RANBP2: variants seen among roughly 807,000 people sequenced by gnomAD.
The protein encoded by RANBP2 is RAN binding protein 2, also known as E3 SUMO-protein ligase RanBP2.
RANBP2 carries 57 observed loss-of-function variants against 303.6 expected under a neutral mutation model. That is an observed-to-expected ratio of 0.19 (90% CI 0.15 to 0.23). The LOEUF is 0.23. Among genes scored for constraint, RANBP2 ranks in the 10% least tolerant of loss-of-function variants. The probability of loss-of-function intolerance (pLI) is 1.00; values close to 1 mark genes in which losing one functional copy is unlikely to be tolerated. For missense variants in RANBP2, 3,138 were observed against 3,780.8 expected, an observed-to-expected ratio of 0.83 and a Z score of 4.46; for synonymous variants, 1,167 against 1,301.5, an observed-to-expected ratio of 0.90 and a Z score of 2.23.
At chr2:109,637,518 G>T in the RANBP2 span, among the ~76,000 whole-genome samples, 8,538 of 152,092 alleles carry the variant, frequency 0.056, 672 homozygotes, top group East Asian at 0.24. Flanking sequence ...CACTTTCAAG[G>T]GCAGAGTTCC....
At chr2:109,171,393 A>G in the RANBP2 span, among the ~76,000 whole-genome samples, 1 of 152,220 alleles carries the variant, frequency 6.6e-6, no homozygotes, top group Non-Finnish European at 1.5e-5. Flanking sequence ...GTGACTATGA[A>G]TATTCGGAGA....
rs1394037253 is a variant in RANBP2, at chr2:108,763,292, C to T, written c.2753C>T (p.Pro918Leu). The T allele has an allele frequency of 7.4e-6, 12 of 1,613,840 alleles. No individual in the cohort carries two copies. The highest frequency in any genetic ancestry group is 2.2e-5 in the East Asian group (1 of 44,868). The change falls in exon 20 of 29, where the codon CCG becomes CTG. Residue 918 changes from proline to leucine, a missense_variant. Transcript: ENST00000283195. ...LPPQQHIYAY[P>L]QQMHTPPVQS... ...CCCCAACAGCATATTTATGCCTATC[C>T]GCAACAGATGCACACACCGCCAGTG...
At chr2:109,521,867 C>A in the RANBP2 span, among the ~76,000 whole-genome samples, 1 of 151,834 alleles carries the variant, frequency 6.6e-6, no homozygotes, top group African/African-American at 2.4e-5. Context: ...CTGTTATAGT[C>A]GGTGTTAATT....
the RANBP2 span, among the ~76,000 whole-genome samples, chr2:108,997,440 C>CAAAAAAAAAAA: frequency 4.0e-5 from 2 of 49,946 alleles, no homozygotes; most frequent in African/African-American, 9.6e-5. Flanking sequence ...GACTCTGTCT[C>CAAAAAAAAAAA]AAAAAAAAAA....
chr2:109,238,746 C>G, the RANBP2 span, among the ~76,000 whole-genome samples: 1 of 152,276 alleles, frequency 6.6e-6, no homozygotes, highest in South Asian at 2.1e-4. Context: ...CAGGCAGCTG[C>G]TACATGCTTG....
chr2:109,729,579 A>G, the RANBP2 span, among the ~76,000 whole-genome samples: 1 of 152,082 alleles, frequency 6.6e-6, no homozygotes, highest in Non-Finnish European at 1.5e-5. Context: ...GAACCTGGGA[A>G]GTGGAGGTTG....
the RANBP2 span, among the ~76,000 whole-genome samples, chr2:109,682,709 G>A: frequency 0.12 from 17,892 of 152,134 alleles, 1,124 homozygotes; most frequent in African/African-American, 0.16. Context: ...GGAGGTCGAG[G>A]CAGGAAGACT....
At chr2:109,478,723 G>T in the RANBP2 span, among the ~76,000 whole-genome samples, 2 of 152,144 alleles carry the variant, frequency 1.3e-5, no homozygotes, top group Non-Finnish European at 2.9e-5. Flanking sequence ...GAGCTCGTAG[G>T]TAAGATCTTC....
At chr2:108,889,550 C>A in the RANBP2 span, among the ~76,000 whole-genome samples, 22 of 148,014 alleles carry the variant, frequency 1.5e-4, no homozygotes, top group African/African-American at 5.6e-4. Context: ...ACCTTTTTTT[C>A]TTTTCTTTTT....
chr2:109,248,830 T>A, the RANBP2 span, among the ~76,000 whole-genome samples: 1 of 151,550 alleles, frequency 6.6e-6, no homozygotes, highest in African/African-American at 2.4e-5. Context: ...TCTCTTTCTC[T>A]CTTTTCTCCT....
At chr2:108,839,348 A>G in the RANBP2 span, 1 of 1,466,188 alleles carries the variant, frequency 6.8e-7, no homozygotes, top group Non-Finnish European at 9.4e-7. Flanking sequence ...TCCACCTAAT[A>G]TTACTTCTTG....
At chr2:109,593,770 G>A in the RANBP2 span, among the ~76,000 whole-genome samples, 2 of 152,088 alleles carry the variant, frequency 1.3e-5, no homozygotes, top group Non-Finnish European at 2.9e-5. Flanking sequence ...CCACTGCAGC[G>A]TGTCAGAGGA....
chr2:109,423,390 G>A, the RANBP2 span, among the ~76,000 whole-genome samples: 1,688 of 152,218 alleles, frequency 0.011, 17 homozygotes, highest in Non-Finnish European at 0.018. Flanking sequence ...TCATGACCCC[G>A]CTGCCATTTG....
At chr2:109,188,079 G>C in the RANBP2 span, among the ~76,000 whole-genome samples, 1 of 152,362 alleles carries the variant, frequency 6.6e-6, no homozygotes, top group Non-Finnish European at 1.5e-5. Context: ...GAGTGGTCCC[G>C]AACTGCAGAT....
At chr2:109,577,598 T>TAAA in the RANBP2 span, among the ~76,000 whole-genome samples, 2 of 133,310 alleles carry the variant, frequency 1.5e-5, no homozygotes, top group East Asian at 2.1e-4. Context: ...CCTCAAAATT[T>TAAA]AAAAAAAAAA....
At chr2:109,609,293 T>A in the RANBP2 span, among the ~76,000 whole-genome samples, 1 of 152,146 alleles carries the variant, frequency 6.6e-6, no homozygotes, top group Non-Finnish European at 1.5e-5. Flanking sequence ...AAAAAAATAA[T>A]GCCTGTCCTC....
the RANBP2 span, among the ~76,000 whole-genome samples, chr2:109,175,570 G>A: frequency 6.6e-6 from 1 of 152,218 alleles, no homozygotes; most frequent in Admixed American, 6.5e-5. Flanking sequence ...GGCTGCTCAG[G>A]TGCAGGAGCT....
the RANBP2 span, chr2:108,804,777 A>T: frequency 9.7e-7 from 1 of 1,027,396 alleles, no homozygotes; most frequent in Non-Finnish European, 1.3e-6. Flanking sequence ...TACACTGATT[A>T]AAGTTTTTGT....
chr2:109,391,410 C>T, the RANBP2 span, among the ~76,000 whole-genome samples: 2 of 152,272 alleles, frequency 1.3e-5, no homozygotes, highest in Middle Eastern at 3.4e-3. Flanking sequence ...CCCACAGGCT[C>T]GGGGAGGGGT....
Sources: allele counts gnomAD v4.1 joint callset (sites outside exome capture counted in the v4.1 genomes callset), GRCh38; gene constraint gnomAD v4.1.1; transcripts MANE v1.5; gene names NCBI Gene and HGNC (gene_info 2026-07-23, HGNC 2026-07-21).